RXRA: variants seen among roughly 807,000 people sequenced by gnomAD.
The protein encoded by RXRA is retinoid X receptor alpha.
RXRA carries 5 observed loss-of-function variants against 44.5 expected under a neutral mutation model. That is an observed-to-expected ratio of 0.11 (90% CI 0.06 to 0.24). The LOEUF (loss-of-function observed/expected upper bound fraction) is 0.24, where lower values mean the gene tolerates loss of function less well. Among genes scored for constraint, RXRA ranks in the 10% least tolerant of loss-of-function variants. The pLI is 1.00. For missense variants in RXRA, 412 were observed against 646.5 expected (o/e 0.64, Z 3.93); for synonymous variants, 291 against 271.4 (o/e 1.07, Z -0.71).
intron 1 of RXRA, among the ~76,000 whole-genome samples, chr9:134,356,365 G>T (rs570200383): frequency 6.6e-6 from 1 of 152,138 alleles, no homozygotes; most frequent in East Asian, 1.9e-4. Context: ...TTGGTAAGGG[G>T]GAGCCATTGT....
At chr9:134,402,312 C>T (rs968272664) in intron 2 of RXRA, 9 of 175,008 alleles carry the variant, frequency 5.1e-5, no homozygotes, top group Non-Finnish European at 1.1e-4. Flanking sequence ...CCAGGGAAGG[C>T]GTGTTCGGGC....
At chr9:134,339,089 G>C (rs1830049338) in intron 1 of RXRA, among the ~76,000 whole-genome samples, 1 of 149,986 alleles carries the variant, frequency 6.7e-6, no homozygotes, top group Non-Finnish European at 1.5e-5. Flanking sequence ...TGGTGTCGGG[G>C]CAGGGCTGGT....
Position 134,409,134 on chromosome 9 carries a change from C to G in RXRA, c.610+15C>G. On this transcript the variant is annotated intron_variant, in intron 4 of 9. Transcript: ENST00000481739. ...GAAGCGGGAAGGTAGGCCACGGCGTCGGGTGGGGGCGCGGGCAGGTGTTGG... is the reference window on the plus strand; with the variant it reads ...GAAGCGGGAAGGTAGGCCACGGCGTGGGGTGGGGGCGCGGGCAGGTGTTGG... 6.5e-7 allele frequency: 1 copy of G among 1,532,330 alleles called. No individual in the cohort carries two copies. The highest frequency in any genetic ancestry group is 1.2e-5 in the South Asian group (1 of 81,204). 94.9% of individuals were successfully genotyped at this position (1,532,330 alleles called of 1,614,324 possible).
At chr9:134,332,559 A>G (rs1184430321) in intron 1 of RXRA, among the ~76,000 whole-genome samples, 4 of 151,814 alleles carry the variant, frequency 2.6e-5, no homozygotes, top group Non-Finnish European at 4.4e-5. Flanking sequence ...TAGGGACAGC[A>G]AGGTCTGGCC....
intron 1 of RXRA, among the ~76,000 whole-genome samples, chr9:134,335,312 T>TG (rs1440336581): frequency 6.6e-6 from 1 of 152,156 alleles, no homozygotes; most frequent in Non-Finnish European, 1.5e-5. Flanking sequence ...ATAAACTGCC[T>TG]GGGGGAGGTC....
At chr9:134,379,047 G>T (rs1256084878) in intron 1 of RXRA, among the ~76,000 whole-genome samples, 1 of 152,194 alleles carries the variant, frequency 6.6e-6, no homozygotes, top group Non-Finnish European at 1.5e-5. Context: ...GTCAGCAAAT[G>T]CAGCTCCTGC....
rs1247373473 is a variant in RXRA, at chr9:134,368,961, TTG to T, written c.29-32662_29-32661del. 8.2e-5 allele frequency among the ~76,000 whole-genome samples: 9 copies of T among 110,188 alleles called. No homozygotes were observed. The East Asian group carries it at 8.2e-4, about 10-fold the overall frequency. The allele number at this position is 110,188 out of a possible 152,430, so 72.3% of individuals were successfully genotyped here. On this transcript the variant is annotated intron_variant, in intron 1 of 9. Transcript: ENST00000481739. Reference sequence around the variant, plus strand: ...TTATGTATGTGTGTGAGTGCGGGGGTTGTGTGTGTGGGGTTATGTGTGTGTGA... The same window carrying T: ...TTATGTATGTGTGTGAGTGCGGGGGTTGTGTGTGGGGTTATGTGTGTGTGA...
At chr9:134,377,190 C>G (rs941949815) in intron 1 of RXRA, among the ~76,000 whole-genome samples, 1 of 152,232 alleles carries the variant, frequency 6.6e-6, no homozygotes, top group African/African-American at 2.4e-5. Context: ...CCTGTCTGTG[C>G]TCCGCTTTCA....
At chr9:134,375,535 G>A (rs1405477150) in intron 1 of RXRA, among the ~76,000 whole-genome samples, 2 of 152,220 alleles carry the variant, frequency 1.3e-5, no homozygotes, top group African/African-American at 4.8e-5. Context: ...CTGAGGGTCA[G>A]CCCGGAGACT....
intron 2 of RXRA, chr9:134,404,663 C>G (rs536481800): frequency 3.3e-5 from 5 of 152,670 alleles, no homozygotes; most frequent in Non-Finnish European, 7.3e-5. Context: ...GCGGGCTTCA[C>G]GGGGTCGGAA....
Position 134,433,979 on chromosome 9 carries a change from TCCA to T in RXRA, c.1136-117_1136-115del. On this transcript the variant is annotated intron_variant, in intron 8 of 9. Transcript: ENST00000481739. This position sits in a 1 kb window ranked among gnomAD's most constrained non-coding sequence, Gnocchi z 4.2. ...GCGGAGGCATGTCCAGCGGCATTCC[TCCA>T]CCACCTGCTCTGCCCATGGTGGGGC... 1.5e-6 allele frequency: 1 copy of T among 679,928 alleles called. No homozygotes were observed. The highest frequency in any genetic ancestry group is 2.5e-6 in the Non-Finnish European group (1 of 398,426). 42.1% of individuals were successfully genotyped at this position (679,928 alleles called of 1,614,324 possible).
chr9:134,350,845 G>A (rs556060070), intron 1 of RXRA, among the ~76,000 whole-genome samples: 8 of 152,318 alleles, frequency 5.3e-5, no homozygotes, highest in African/African-American at 1.7e-4. Flanking sequence ...GCCTGGGGCC[G>A]GCCTGGCCTG....
intron 1 of RXRA, among the ~76,000 whole-genome samples, chr9:134,358,318 G>A (rs1564268516): frequency 6.6e-6 from 1 of 152,234 alleles, no homozygotes; most frequent in Non-Finnish European, 1.5e-5. Flanking sequence ...CAGGCAGGCA[G>A]GCAGGCAGGC....
Position 134,413,391 on chromosome 9 carries a change from CGTGTGTGTGCAT to C in RXRA, c.611-3765_611-3754del, listed in dbSNP as rs561762452. Among the ~76,000 whole-genome samples the C allele has an allele frequency of 2.0e-3, 308 of 152,042 alleles. 1 individual carries two copies. The highest frequency in any genetic ancestry group is 7.1e-3 in the African/African-American group (294 of 41,480). On this transcript the variant is annotated intron_variant, in intron 4 of 9. Transcript: ENST00000481739. ...TGTATGTCTGCATGGTTTGTGTGCA[CGTGTGTGTGCAT>C]GGTTCTCGTGTTCTGATGCCTTGCT...
chr9:134,336,579 A>C (rs35251355), intron 1 of RXRA, among the ~76,000 whole-genome samples: 3 of 152,184 alleles, frequency 2.0e-5, no homozygotes, highest in Non-Finnish European at 2.9e-5. Flanking sequence ...GATGTCGCTG[A>C]ATGGGCCCTG....
chr9:134,424,791 C>A (rs1233983145), intron 6 of RXRA: 5 of 985,346 alleles, frequency 5.1e-6, no homozygotes, highest in Non-Finnish European at 6.0e-6. Flanking sequence ...CTGTCCCCCT[C>A]CAGGGGGCTC....
At chr9:134,379,922 G>C (rs1015941698) in intron 1 of RXRA, 19 of 985,290 alleles carry the variant, frequency 1.9e-5, no homozygotes, top group Non-Finnish European at 2.2e-5. Context: ...GCTGGTCTCT[G>C]GGTCTGAGAC....
intron 6 of RXRA, chr9:134,423,400 C>T: frequency 2.0e-6 from 2 of 985,480 alleles, no homozygotes; most frequent in Non-Finnish European, 2.4e-6. Context: ...TCAGCCCATA[C>T]AAGGCGGCTC....
chr9:134,342,842 T>C lies in RXRA; in HGVS notation c.28+16183T>C, dbSNP rs1554748257. Among the ~76,000 whole-genome samples the C allele has an allele frequency of 2.0e-5, 3 of 152,160 alleles. No homozygotes were observed. The highest frequency in any genetic ancestry group is 7.2e-5 in the African/African-American group (3 of 41,436). On this transcript the variant is annotated intron_variant, in intron 1 of 9. Coordinates refer to ENST00000481739, the MANE Select transcript of RXRA (RefSeq NM_002957.6). This position sits in a 1 kb window ranked among gnomAD's most constrained non-coding sequence, Gnocchi z 4.4. ...GGCTCAGCAGGTTGAGCGCAGGTGG[T>C]GGCTGTGGCCCTGCCACCACCACAG...
Sources: allele counts gnomAD v4.1 joint callset (sites outside exome capture counted in the v4.1 genomes callset), GRCh38; gene constraint gnomAD v4.1.1; non-coding constraint Gnocchi (gnomAD v3.1); transcripts MANE v1.5; gene names NCBI Gene and HGNC (gene_info 2026-07-23, HGNC 2026-07-21).